EPAS1: variants seen among roughly 807,000 people sequenced by gnomAD.
The protein encoded by EPAS1 is endothelial PAS domain-containing protein 1.
In EPAS1, 23 loss-of-function variants were observed where a neutral mutation model predicts 87.9. The observed-to-expected ratio is 0.26, with a 90% CI of 0.19 to 0.37. The LOEUF is 0.37. EPAS1 is among the 10% of genes least tolerant of loss of function. The pLI is 1.00. For missense variants in EPAS1, 1,138 were observed against 1,120.7 expected, an observed-to-expected ratio of 1.02 and a Z score of -0.22; for synonymous variants, 508 against 444.3, an observed-to-expected ratio of 1.14 and a Z score of -1.80.
chr2:46,361,011 C>T lies in EPAS1; in HGVS notation c.700C>T (p.His234Tyr), dbSNP rs772716081. ...IMCEPIQHPS[H>Y]MDIPLDSKTF... The stretch of plus-strand genomic sequence containing the variant: ...GTGTGAACCAATCCAGCACCCATCC[C>T]ACATGGACATCCCCCTGGATAGCAA... The change falls in exon 6 of 16, where the codon CAC becomes TAC. Residue 234 changes from histidine (H) to tyrosine (Y), a missense_variant. Around this residue, in one of 4 missense-constraint regions of EPAS1, gnomAD observed 351 missense variants for 417.1 expected, o/e 0.84. Coordinates refer to ENST00000263734, the MANE Select transcript of EPAS1 (RefSeq NM_001430.5). 6 of 1,614,026 alleles carry T rather than the reference C, an allele frequency of 3.7e-6. No individual in the cohort carries two copies. Among genetic ancestry groups the T allele is most frequent in the Admixed American group, 3.3e-5 (2 of 60,010 alleles).
chr2:46,342,020 A>C (rs996470371), intron 1 of EPAS1, among the ~76,000 whole-genome samples: 5 of 152,060 alleles, frequency 3.3e-5, no homozygotes, highest in African/African-American at 9.7e-5. Context: ...TTCCTTTAAA[A>C]ACTGGCTGCT....
chr2:46,346,662 G>A lies in EPAS1; in HGVS notation c.27-211G>A, dbSNP rs1229919745. Among the ~76,000 whole-genome samples the A allele has an allele frequency of 1.3e-5, 2 of 152,216 alleles. No individual in the cohort carries two copies. Among genetic ancestry groups the A allele is most frequent in the Non-Finnish European group, 2.9e-5 (2 of 68,048 alleles). On this transcript the variant is annotated intron_variant, in intron 1 of 15. Coordinates refer to ENST00000263734, the MANE Select transcript of EPAS1 (RefSeq NM_001430.5). The surrounding 1 kb of genome is among the most constrained non-coding windows in gnomAD (Gnocchi z 4.0). ...GGCCTCCACAGGGAATGCAAGAGGA[G>A]GACTTTGGTTGTGAAGACACCAACA...
intron 4 of EPAS1, among the ~76,000 whole-genome samples, chr2:46,358,114 C>G (rs975232859): frequency 5.3e-5 from 8 of 152,236 alleles, no homozygotes; most frequent in African/African-American, 1.9e-4. Context: ...AGGTTTGGCT[C>G]TTATTACCAC....
In EPAS1 at chr2:46,346,526, C is replaced by T. The variant is rs990112641; in HGVS notation, c.27-347C>T. Among the ~76,000 whole-genome samples the T allele has an allele frequency of 6.6e-6, 1 of 152,230 alleles. No individual in the cohort carries two copies. The highest frequency in any genetic ancestry group is 2.4e-5 in the African/African-American group (1 of 41,464). ...GCTTCCTTACCCTTCTCTTTCCATC[C>T]CTGGACATTCACCCCTATCCCCAGA... On this transcript the variant is annotated intron_variant, in intron 1 of 15. Coordinates refer to ENST00000263734, the MANE Select transcript of EPAS1 (RefSeq NM_001430.5). This position sits in a 1 kb window ranked among gnomAD's most constrained non-coding sequence, Gnocchi z 4.0.
At chr2:46,383,753 C>A (rs1684952831) in intron 15 of EPAS1, among the ~76,000 whole-genome samples, 1 of 152,142 alleles carries the variant, frequency 6.6e-6, no homozygotes, top group Admixed American at 6.5e-5. Context: ...GAGAAGTTAG[C>A]AAGGGATGGT....
At chr2:46,356,878 G>A in intron 4 of EPAS1, 70 bp downstream of exon 4, 2 of 1,122,170 alleles carry the variant, frequency 1.8e-6, no homozygotes, top group South Asian at 2.5e-5. Flanking sequence ...TTGTCTACGG[G>A]TATAAGGGAG....
At chr2:46,298,132 T>C (rs1214578418) in intron 1 of EPAS1, among the ~76,000 whole-genome samples, 195 bp downstream of exon 1, 1 of 152,070 alleles carries the variant, frequency 6.6e-6, no homozygotes, top group Non-Finnish European at 1.5e-5. Flanking sequence ...CAGTGGAGAC[T>C]TCTGCGGCTC....
chr2:46,308,489 G>T (rs1553388788), intron 1 of EPAS1, among the ~76,000 whole-genome samples: 1 of 136,252 alleles, frequency 7.3e-6, no homozygotes, highest in Non-Finnish European at 1.6e-5. Flanking sequence ...ATCATGCTTA[G>T]TTTTTTAAAA....
At chr2:46,303,459 T>G (rs769819790) in intron 1 of EPAS1, among the ~76,000 whole-genome samples, 1 of 152,322 alleles carries the variant, frequency 6.6e-6, no homozygotes, top group Non-Finnish European at 1.5e-5. Flanking sequence ...ATGGAATGTT[T>G]GCTGTTCTTT....
chr2:46,373,075 C>G (rs1684661449), intron 7 of EPAS1, among the ~76,000 whole-genome samples: 1 of 152,200 alleles, frequency 6.6e-6, no homozygotes, highest in African/African-American at 2.4e-5. Flanking sequence ...GTAGCTCAGA[C>G]TCTGTCACTA....
At position 46,297,873 on chromosome 2, in the gene EPAS1, G is replaced by C. The variant is rs944556607; in HGVS notation, c.-39G>C. The C allele has an allele frequency of 3.7e-6, 6 of 1,604,924 alleles. No homozygotes were observed. Among genetic ancestry groups the C allele is most frequent in the Non-Finnish European group, 5.1e-6 (6 of 1,175,762 alleles). The stretch of plus-strand genomic sequence containing the variant: ...GCCCCCCACCCGCCAGGGAGCCCAG[G>C]TGCTCGGCGTCTGAACGTCTCAAAG... On this transcript the variant is annotated 5_prime_UTR_variant, in exon 1 of 16. Transcript: ENST00000263734.
intron 1 of EPAS1, among the ~76,000 whole-genome samples, chr2:46,345,433 G>C (rs999376743): frequency 1.3e-5 from 2 of 152,146 alleles, no homozygotes; most frequent in Non-Finnish European, 2.9e-5. Flanking sequence ...TTTTTGAGTA[G>C]AAGGAGACAG....
At chr2:46,340,656 T>C (rs1447895532) in intron 1 of EPAS1, among the ~76,000 whole-genome samples, 2 of 152,228 alleles carry the variant, frequency 1.3e-5, no homozygotes, top group Non-Finnish European at 2.9e-5. Flanking sequence ...TTTTCTCTTG[T>C]CAAAGTCTGT....
intron 1 of EPAS1, among the ~76,000 whole-genome samples, chr2:46,320,786 T>G (rs1316374465): frequency 2.0e-5 from 3 of 152,228 alleles, no homozygotes; most frequent in Non-Finnish European, 4.4e-5. Flanking sequence ...AGAGTTTAGT[T>G]TAAGAGTACT....
chr2:46,330,761 A>G (rs755942009), intron 1 of EPAS1, among the ~76,000 whole-genome samples: 1 of 152,220 alleles, frequency 6.6e-6, no homozygotes, highest in Admixed American at 6.5e-5. Flanking sequence ...GATGGTCCCA[A>G]GCATTGTTCT....
At chr2:46,303,140 A>T (rs1453383891) in intron 1 of EPAS1, among the ~76,000 whole-genome samples, 1 of 152,174 alleles carries the variant, frequency 6.6e-6, no homozygotes, top group Non-Finnish European at 1.5e-5. Flanking sequence ...GAAATCTAAT[A>T]TTTTGAAGCA....
Position 46,360,959 on chromosome 2 carries a change from G to A in EPAS1, c.648G>A (p.Glu216=). 6.2e-7 allele frequency: 1 copy of A among 1,614,186 alleles called. No individual in the cohort carries two copies. Among genetic ancestry groups the A allele is most frequent in the Non-Finnish European group, 8.5e-7 (1 of 1,180,028 alleles). ...ACAATAGTCTGTGTGGCTACAAGGA[G>A]CCCCTGCTGTCCTGCCTCATCATCA... is the stretch of plus-strand genomic sequence containing the variant. The part of the protein sequence containing the change: ...PPHNSLCGYK[E]PLLSCLIIMC... Residue 216 remains glutamate, a synonymous_variant, in exon 6 of 16, where the codon GAG becomes GAA. Coordinates refer to ENST00000263734, the MANE Select transcript of EPAS1 (RefSeq NM_001430.5). This position sits in a 1 kb window ranked among gnomAD's most constrained non-coding sequence, Gnocchi z 4.5.
chr2:46,326,299 C>T (rs992159451), intron 1 of EPAS1, among the ~76,000 whole-genome samples: 27 of 152,140 alleles, frequency 1.8e-4, no homozygotes, highest in African/African-American at 5.8e-4. Flanking sequence ...CAAGGGAATT[C>T]GACTATCAAG....
chr2:46,314,299 A>G (rs1472750533), intron 1 of EPAS1, among the ~76,000 whole-genome samples: 1 of 152,182 alleles, frequency 6.6e-6, no homozygotes, highest in Non-Finnish European at 1.5e-5. Context: ...ACAATTAGCA[A>G]TTGTCAGGTC....
Sources: gnomAD v4.1 joint callset for allele counts (sites outside exome capture counted in the v4.1 genomes callset) on GRCh38, gnomAD v4.1.1 for gene constraint, gnomAD v4.1.1 regional missense constraint, Gnocchi (gnomAD v3.1) non-coding constraint, MANE v1.5 for transcripts, NCBI Gene and HGNC (gene_info 2026-07-23, HGNC 2026-07-21) for gene names.